SNTG1: variants seen among roughly 807,000 people sequenced by gnomAD.
SNTG1 encodes syntrophin gamma 1, also known as gamma-1-syntrophin.
SNTG1 carries 39 observed loss-of-function variants against 74.7 expected under a neutral mutation model. That is an observed-to-expected ratio of 0.52 (90% CI 0.40 to 0.68). The LOEUF (loss-of-function observed/expected upper bound fraction) is 0.68, where lower values mean the gene tolerates loss of function less well. Among genes scored for constraint, SNTG1 ranks in the 30% least tolerant of loss-of-function variants. The pLI is 0.00. For missense variants in SNTG1, 685 were observed against 609.5 expected (o/e 1.12, Z -1.30); for synonymous variants, 254 against 217.1 (o/e 1.17, Z -1.49).
intron 12 of SNTG1, among the ~76,000 whole-genome samples, chr8:50,562,942 T>C (rs2094496617): frequency 6.6e-6 from 1 of 152,186 alleles, no homozygotes; most frequent in Non-Finnish European, 1.5e-5. Flanking sequence ...ATTCACGCAG[T>C]CTGAGCAAGG....
intron 12 of SNTG1, among the ~76,000 whole-genome samples, chr8:50,569,881 G>A (rs2094537209): frequency 6.6e-6 from 1 of 152,176 alleles, no homozygotes; most frequent in Non-Finnish European, 1.5e-5. Flanking sequence ...AAATGGGTTA[G>A]TGTGAGTGAA....
chr8:50,339,173 A>G (rs1422939334), intron 2 of SNTG1, among the ~76,000 whole-genome samples: 1 of 152,076 alleles, frequency 6.6e-6, no homozygotes, highest in East Asian at 1.9e-4. Context: ...ATTAAAAAAC[A>G]CACCCAACTG....
chr8:50,615,387 ACATTTAGTTTAATTAAAG>A (rs1306411566), intron 13 of SNTG1, among the ~76,000 whole-genome samples: 2 of 152,234 alleles, frequency 1.3e-5, no homozygotes, highest in Non-Finnish European at 2.9e-5. Flanking sequence ...GCTTATTTTG[ACATTTAGTTTAATTAAAG>A]CATCTTAGGA....
chr8:50,105,464 G>T (rs758390467), intron 1 of SNTG1, among the ~76,000 whole-genome samples: 1 of 151,886 alleles, frequency 6.6e-6, no homozygotes, highest in African/African-American at 2.4e-5. Context: ...GTAACATGAT[G>T]TCTTCAGCTT....
At chr8:50,183,516 C>T (rs1043463630) in intron 2 of SNTG1, among the ~76,000 whole-genome samples, 3 of 152,154 alleles carry the variant, frequency 2.0e-5, no homozygotes, top group African/African-American at 7.2e-5. Flanking sequence ...CTTCAAGTGC[C>T]CATAGCACGT....
chr8:50,538,655 G>A (rs1368181696), intron 11 of SNTG1, among the ~76,000 whole-genome samples: 1 of 151,242 alleles, frequency 6.6e-6, no homozygotes, highest in Non-Finnish European at 1.5e-5. Context: ...ACGTATGTTG[G>A]CACATATTTC....
intron 1 of SNTG1, among the ~76,000 whole-genome samples, chr8:49,937,855 T>C (rs1259122878): frequency 2.6e-5 from 4 of 152,208 alleles, no homozygotes; most frequent in Non-Finnish European, 5.9e-5. Context: ...CTTTCCTCTC[T>C]TCTTTCCTGC....
intron 2 of SNTG1, among the ~76,000 whole-genome samples, chr8:50,312,579 A>C: frequency 6.7e-6 from 1 of 149,952 alleles, no homozygotes; most frequent in East Asian, 2.0e-4. Flanking sequence ...TTCACTCAGT[A>C]GCCAAGGGTT....
intron 2 of SNTG1, among the ~76,000 whole-genome samples, chr8:50,322,412 C>T (rs777749884): frequency 2.4e-4 from 37 of 152,110 alleles, no homozygotes; most frequent in Non-Finnish European, 4.6e-4. Flanking sequence ...TATATTGGAG[C>T]TCCATTGTAT....
intron 8 of SNTG1, among the ~76,000 whole-genome samples, chr8:50,487,139 T>C (rs1022618804): frequency 3.3e-5 from 5 of 152,150 alleles, no homozygotes; most frequent in Admixed American, 2.0e-4. Flanking sequence ...CACAGTGAGA[T>C]ACCATCTCAC....
At position 50,778,459 on chromosome 8, in the gene SNTG1, G is replaced by A. The variant is rs1374675875; in HGVS notation, c.1396-14212G>A. 1.3e-4 allele frequency among the ~76,000 whole-genome samples: 20 copies of A among 151,730 alleles called. No homozygotes were observed. The East Asian group carries it at 2.3e-3, about 18-fold the overall frequency. ...TGCATTTCTCTGATGGCCAGTGATG[G>A]TGAGCATTTTTTCATGTGTTTTTTG... On this transcript the variant is annotated intron_variant, in intron 18 of 18. Coordinates refer to ENST00000642720, the MANE Select transcript of SNTG1 (RefSeq NM_018967.5).
At chr8:50,764,152 C>A (rs565145920) in intron 18 of SNTG1, among the ~76,000 whole-genome samples, 31 of 151,668 alleles carry the variant, frequency 2.0e-4, no homozygotes, top group Non-Finnish European at 4.3e-4. Context: ...GGGTTCTTAT[C>A]TAACACCATA....
chr8:50,756,601 C>T (rs561263367), intron 18 of SNTG1, among the ~76,000 whole-genome samples: 12 of 151,814 alleles, frequency 7.9e-5, no homozygotes, highest in African/African-American at 2.6e-4. Context: ...TATTTCTAGG[C>T]TTTCTCTTCT....
At chr8:50,656,804 G>GA (rs1394569499) in intron 13 of SNTG1, 105 bp from the exon 14 acceptor site, 8 of 775,968 alleles carry the variant, frequency 1.0e-5, no homozygotes, top group Admixed American at 2.7e-5. Context: ...AATACTACAT[G>GA]AAAAATACCT....
chr8:50,033,775 C>G (rs1031347902), intron 1 of SNTG1, among the ~76,000 whole-genome samples: 1 of 152,152 alleles, frequency 6.6e-6, no homozygotes, highest in Admixed American at 6.5e-5. Flanking sequence ...AACTCCATCA[C>G]CTTTTTAATG....
At chr8:50,787,041 G>A (rs2095677553) in intron 18 of SNTG1, among the ~76,000 whole-genome samples, 1 of 151,660 alleles carries the variant, frequency 6.6e-6, no homozygotes, top group Non-Finnish European at 1.5e-5. Context: ...TAAAAAAGGT[G>A]AAATACAACT....
intron 2 of SNTG1, among the ~76,000 whole-genome samples, chr8:50,346,627 G>A (rs2091485533): frequency 6.6e-6 from 1 of 152,224 alleles, no homozygotes; most frequent in Non-Finnish European, 1.5e-5. Flanking sequence ...TGAAAGCTAG[G>A]CCTCTTGTGC....
intron 2 of SNTG1, among the ~76,000 whole-genome samples, chr8:50,213,412 A>G (rs1006416911): frequency 4.4e-4 from 67 of 152,312 alleles, no homozygotes; most frequent in African/African-American, 1.5e-3. Flanking sequence ...CCACATACCA[A>G]TTGCTGTGAG....
Position 50,142,339 on chromosome 8 carries a change from G to A in SNTG1, c.-102-30222G>A, listed in dbSNP as rs1050023560. On this transcript the variant is annotated intron_variant, in intron 1 of 18. Coordinates refer to ENST00000642720, the MANE Select transcript of SNTG1 (RefSeq NM_018967.5). The stretch of plus-strand genomic sequence containing the variant: ...ATGATTTATAATACAAGGACATAAA[G>A]TTTATAACAGAGGAGCTATAAACAA... 3.0e-4 allele frequency among the ~76,000 whole-genome samples: 45 copies of A among 152,000 alleles called. 1 individual carries two copies. Among genetic ancestry groups the A allele is most frequent in the Non-Finnish European group, 1.3e-4 (9 of 67,970 alleles).
Sources: allele counts gnomAD v4.1 joint callset (sites outside exome capture counted in the v4.1 genomes callset), GRCh38; gene constraint gnomAD v4.1.1; transcripts MANE v1.5; gene names NCBI Gene and HGNC (gene_info 2026-07-23, HGNC 2026-07-21).